SYT16: variants seen among roughly 807,000 people sequenced by gnomAD.
SYT16 encodes synaptotagmin 16, also known as synaptotagmin-16.
SYT16 carries 42 observed loss-of-function variants against 61.4 expected under a neutral mutation model. That is an observed-to-expected ratio of 0.68 (90% confidence interval 0.53 to 0.89). The LOEUF (loss-of-function observed/expected upper bound fraction) is 0.89, where lower values mean the gene tolerates loss of function less well. Among genes scored for constraint, SYT16 ranks in the 40% least tolerant of loss-of-function variants. The pLI is 0.00. For synonymous variants in SYT16, 314 were observed against 302.3 expected (o/e 1.04, Z -0.40); for missense variants, 804 against 807.3 (o/e 1.00, Z 0.05).
At chr14:62,079,398 C>T in intron 5 of SYT16, 1 of 1,205,748 alleles carries the variant, frequency 8.3e-7, no homozygotes, top group South Asian at 1.3e-5. Flanking sequence ...CTGTCAAGTC[C>T]TCTACTTTTT....
chr14:61,832,055 G>A, intron 1 of SYT16: 1 of 711,706 alleles, frequency 1.4e-6, no homozygotes, highest in Non-Finnish European at 2.7e-6. Context: ...ACATGGCAGC[G>A]CCCACAACCG....
intron 4 of SYT16, among the ~76,000 whole-genome samples, chr14:62,070,196 A>G (rs534838000): frequency 6.6e-6 from 1 of 152,338 alleles, no homozygotes; most frequent in Non-Finnish European, 1.5e-5. Context: ...CATTTCTCCC[A>G]TTTAGAATCA....
At chr14:62,044,010 C>T (rs534290188) in intron 3 of SYT16, among the ~76,000 whole-genome samples, 30 of 152,146 alleles carry the variant, frequency 2.0e-4, no homozygotes, top group Admixed American at 2.0e-3. Context: ...ACCACTGACC[C>T]TTGAATAACA....
intron 1 of SYT16, among the ~76,000 whole-genome samples, chr14:61,959,424 G>T (rs1464801290): frequency 6.6e-6 from 1 of 151,716 alleles, no homozygotes; most frequent in Non-Finnish European, 1.5e-5. Flanking sequence ...TGCATCTACT[G>T]TACTTTTTTG....
At chr14:61,858,055 A>G (rs897114953) in intron 1 of SYT16, among the ~76,000 whole-genome samples, 1 of 146,296 alleles carries the variant, frequency 6.8e-6, no homozygotes, top group East Asian at 2.0e-4. Context: ...AACAGTATCC[A>G]CTTCACAGTG....
chr14:62,043,130 A>G (rs576275091), intron 3 of SYT16, among the ~76,000 whole-genome samples: 2 of 137,858 alleles, frequency 1.5e-5, no homozygotes, highest in South Asian at 4.6e-4. Context: ...AGAAAGTTCT[A>G]TTTTTGAAAT....
At chr14:61,860,966 A>G (rs1215089968) in intron 1 of SYT16, among the ~76,000 whole-genome samples, 1 of 152,148 alleles carries the variant, frequency 6.6e-6, no homozygotes, top group Non-Finnish European at 1.5e-5. Context: ...GAAGAAAGCA[A>G]TCGGAGGAGG....
intron 2 of SYT16, among the ~76,000 whole-genome samples, chr14:61,976,849 C>T (rs939441956): frequency 1.6e-4 from 24 of 152,056 alleles, no homozygotes; most frequent in African/African-American, 5.8e-4. Context: ...CTGCAGCCAG[C>T]TTGAATTTCT....
chr14:62,064,470 T>C (rs1374268157), intron 3 of SYT16, among the ~76,000 whole-genome samples: 3 of 152,144 alleles, frequency 2.0e-5, no homozygotes, highest in Non-Finnish European at 4.4e-5. Context: ...CACTTCAGCT[T>C]TTTGGCTTTA....
intron 7 of SYT16, among the ~76,000 whole-genome samples, chr14:62,093,495 C>T (rs988564987): frequency 1.3e-5 from 2 of 152,010 alleles, no homozygotes; most frequent in Non-Finnish European, 2.9e-5. Context: ...CACACTGCCT[C>T]ATACTATAAA....
intron 3 of SYT16, among the ~76,000 whole-genome samples, chr14:62,015,583 A>C (rs997432759): frequency 6.6e-6 from 1 of 152,138 alleles, no homozygotes; most frequent in Non-Finnish European, 1.5e-5. Context: ...CATAGTCCCC[A>C]GTATGATGGT....
intron 2 of SYT16, among the ~76,000 whole-genome samples, chr14:61,971,871 A>T (rs2140529982): frequency 6.6e-6 from 1 of 152,338 alleles, no homozygotes; most frequent in Non-Finnish European, 1.5e-5. Flanking sequence ...AAAAGCTGGG[A>T]CTTATGAATG....
At chr14:61,978,358 C>G (rs2051910522) in intron 2 of SYT16, among the ~76,000 whole-genome samples, 1 of 152,168 alleles carries the variant, frequency 6.6e-6, no homozygotes, top group South Asian at 2.1e-4. Flanking sequence ...CCACACTCCT[C>G]AACTGGGGTT....
chr14:61,940,358 G>A (rs2050159995), intron 1 of SYT16, among the ~76,000 whole-genome samples: 1 of 151,762 alleles, frequency 6.6e-6, no homozygotes, highest in Non-Finnish European at 1.5e-5. Flanking sequence ...TCTCCTCACG[G>A]CCACTGAATC....
chr14:62,075,174 T>A lies in SYT16; in HGVS notation c.776T>A (p.Leu259His), dbSNP rs1230262015. 1 of 1,612,408 alleles carries A rather than the reference T, an allele frequency of 6.2e-7. No homozygotes were observed. Among genetic ancestry groups the A allele is most frequent in the Admixed American group, 1.7e-5 (1 of 59,696 alleles). Residue 259 changes from leucine (L) to histidine (H), a missense_variant, in exon 5 of 8, where the codon CTC becomes CAC. Physicochemically the swap from Leu to His is moderately conservative, Grantham distance 99 (BLOSUM62 -3). Transcript: ENST00000683842. ...AGCCAACGGCGTTATTCTGAGAATC[T>A]CTCCTACGGTGAAGATGACCACATC... ...GASQRRYSEN[L>H]SYGEDDHIPA...
At chr14:62,095,351 CCATT>C (rs1379336571) in intron 7 of SYT16, among the ~76,000 whole-genome samples, 12 of 151,414 alleles carry the variant, frequency 7.9e-5, no homozygotes, top group African/African-American at 2.9e-4. Flanking sequence ...AATGAAGCTG[CCATT>C]CATTATTTGT....
At chr14:62,055,286 C>A (rs1226600480) in intron 3 of SYT16, among the ~76,000 whole-genome samples, 1 of 152,204 alleles carries the variant, frequency 6.6e-6, no homozygotes, top group African/African-American at 2.4e-5. Context: ...AGGAGGCATA[C>A]AAATGAGACA....
In SYT16 at chr14:62,100,282, T is replaced by C. The variant is rs190492207; in HGVS notation, c.1625-112T>C. On this transcript the variant is annotated intron_variant, in intron 7 of 7. Transcript: ENST00000683842. ...AACCAGGCTTAAGGATACTGATCAG[T>C]ATGTTGAAAGGAGAAATTTGTAGCC... The C allele has an allele frequency of 6.2e-5, 55 of 890,930 alleles. 1 individual carries two copies. The Admixed American group carries it at 1.5e-3, about 25-fold the overall frequency. 55.2% of individuals were successfully genotyped at this position (890,930 alleles called of 1,614,324 possible).
chr14:61,862,533 C>T (rs73256487), intron 1 of SYT16, among the ~76,000 whole-genome samples: 20,822 of 152,094 alleles, frequency 0.14, 1,587 homozygotes, highest in African/African-American at 0.2. Flanking sequence ...ATTTCCCACC[C>T]ATGCCCTGCC....
Sources: gnomAD v4.1 joint callset for allele counts (sites outside exome capture counted in the v4.1 genomes callset) on GRCh38, gnomAD v4.1.1 for gene constraint, MANE v1.5 for transcripts, NCBI Gene and HGNC (gene_info 2026-07-23, HGNC 2026-07-21) for gene names.